SLC25A20: variants seen among roughly 807,000 people sequenced by gnomAD.
SLC25A20 encodes mitochondrial carnitine/acylcarnitine carrier protein.
A neutral mutation model predicts 39.7 loss-of-function variants in SLC25A20; 29 were observed. The ratio of observed to expected loss-of-function variants is 0.73; its 90% CI spans 0.54 to 1.00. SLC25A20 has a LOEUF of 1.00. Among genes scored for constraint, SLC25A20 ranks in the 50% least tolerant of loss-of-function variants. The pLI, the probability that SLC25A20 is intolerant of heterozygous loss-of-function variation, is 0.00. For synonymous variants in SLC25A20, 103 were observed against 142.2 expected, an observed-to-expected ratio of 0.72 and a Z score of 1.96; for missense variants, 333 against 379.9, an observed-to-expected ratio of 0.88 and a Z score of 1.03.
At chr3:48,869,098 T>TA (rs2083693024) in intron 4 of SLC25A20, among the ~76,000 whole-genome samples, 1 of 152,082 alleles carries the variant, frequency 6.6e-6, no homozygotes, top group Non-Finnish European at 1.5e-5. Context: ...TACCTCCACC[T>TA]AGCTGTAATG....
chr3:48,879,168 C>T (rs988112975), intron 4 of SLC25A20, among the ~76,000 whole-genome samples, 190 bp downstream of exon 4: 2 of 151,896 alleles, frequency 1.3e-5, no homozygotes, highest in African/African-American at 4.8e-5. Flanking sequence ...CTGCACCTGG[C>T]CCCCAGGCTG....
At position 48,884,116 on chromosome 3, in the gene SLC25A20, C is replaced by A; in HGVS notation, c.207G>T (p.Thr69=). 1.2e-6 allele frequency: 2 copies of A among 1,613,392 alleles called. No individual in the cohort carries two copies. The highest frequency in any genetic ancestry group is 8.5e-7 in the Non-Finnish European group (1 of 1,179,528). The change falls in exon 3 of 9, where the codon ACG becomes ACT. Residue 69 remains threonine, a synonymous_variant. Coordinates refer to ENST00000319017, the MANE Select transcript of SLC25A20 (RefSeq NM_000387.6). ...FRKTLFREGI[T]GLYRGMAAPI... is the part of the protein sequence containing the mutation. ...GGGCAGCCATTCCCCGATATAGCCCCGTGATGCCCTGCAAGGAATCACAGA... is the reference window on the plus strand; with the variant it reads ...GGGCAGCCATTCCCCGATATAGCCCAGTGATGCCCTGCAAGGAATCACAGA...
At chr3:48,859,257 G>A in intron 6 of SLC25A20, 56 bp from the exon 7 acceptor site, 1 of 1,498,246 alleles carries the variant, frequency 6.7e-7, no homozygotes, top group East Asian at 2.3e-5. Flanking sequence ...GTGGCATTCA[G>A]ACTATCCTGC....
chr3:48,865,762 CTG>C (rs1173258304), intron 4 of SLC25A20, among the ~76,000 whole-genome samples: 3 of 147,232 alleles, frequency 2.0e-5, no homozygotes, highest in Middle Eastern at 3.8e-3. Flanking sequence ...AAGCGAGACT[CTG>C]TCTCAAACAA....
intron 4 of SLC25A20, among the ~76,000 whole-genome samples, chr3:48,872,532 G>T (rs1242478836): frequency 2.0e-5 from 3 of 151,128 alleles, no homozygotes; most frequent in Non-Finnish European, 4.4e-5. Context: ...AAAAAAAAAA[G>T]AACTCTGTCC....
chr3:48,890,452 G>T (rs1195104294), intron 2 of SLC25A20, among the ~76,000 whole-genome samples: 1 of 151,646 alleles, frequency 6.6e-6, no homozygotes, highest in Admixed American at 6.6e-5. Context: ...GCCTCCCAAA[G>T]TGCTGGGATT....
At chr3:48,892,093 G>A (rs1449535757) in intron 1 of SLC25A20, 21 bp from the exon 2 acceptor site, 3 of 1,596,588 alleles carry the variant, frequency 1.9e-6, no homozygotes, top group Non-Finnish European at 2.6e-6. Context: ...AAGTTAAAAT[G>A]CAGTCACCTA....
intron 5 of SLC25A20, among the ~76,000 whole-genome samples, chr3:48,859,869 A>C (rs1200011304): frequency 6.6e-6 from 1 of 152,220 alleles, no homozygotes; most frequent in African/African-American, 2.4e-5. Flanking sequence ...CTAAAAAAGC[A>C]TTAAAAAGAA....
chr3:48,880,574 CTTTTTTTTTTT>C (rs35306259), intron 3 of SLC25A20, among the ~76,000 whole-genome samples: 2 of 73,094 alleles, frequency 2.7e-5, no homozygotes, highest in Non-Finnish European at 4.9e-5. Context: ...CTGTGCCCGG[CTTTTTTTTTTT>C]TTTTTTTTTT....
intron 1 of SLC25A20, among the ~76,000 whole-genome samples, chr3:48,892,837 A>G (rs2083886837): frequency 6.6e-6 from 1 of 152,174 alleles, no homozygotes; most frequent in Non-Finnish European, 1.5e-5. Flanking sequence ...AGTCAAGGTG[A>G]CACATAAAAT....
At position 48,859,463 on chromosome 3, in the gene SLC25A20, A is replaced by G. The variant is rs1041219770; in HGVS notation, c.608+92T>C. 1.1e-5 allele frequency: 12 copies of G among 1,094,434 alleles called. No homozygotes were observed. The Admixed American group carries it at 1.2e-4, about 11-fold the overall frequency. The allele number at this position is 1,094,434 out of a possible 1,614,324, so 67.8% of individuals were successfully genotyped here. ...GAGGAAAGCAGACATGGAGCCAGGA[A>G]CAACAACTACTTCTGCTTTCAGATT... On this transcript the variant is annotated intron_variant, in intron 6 of 8. Transcript: ENST00000319017.
intron 4 of SLC25A20, among the ~76,000 whole-genome samples, chr3:48,874,201 A>T (rs2083738207): frequency 6.6e-6 from 1 of 152,086 alleles, no homozygotes; most frequent in Admixed American, 6.6e-5. Context: ...CTGAGGCAGG[A>T]GAATCGCTTG....
intron 4 of SLC25A20, among the ~76,000 whole-genome samples, chr3:48,863,255 T>C (rs1239248422): frequency 6.6e-6 from 1 of 152,116 alleles, no homozygotes; most frequent in Non-Finnish European, 1.5e-5. Flanking sequence ...ATTTGGAAGG[T>C]CTAAAAAGGA....
chr3:48,862,981 C>G lies in SLC25A20; in HGVS notation c.418-322G>C, dbSNP rs1431764872. 2.6e-5 allele frequency among the ~76,000 whole-genome samples: 4 copies of G among 152,116 alleles called. No homozygotes were observed. In the East Asian group the frequency reaches 7.7e-4, roughly 29 times the overall value. ...CCGAGGCAGGCAGGTCGCCTGAGGT[C>G]AGGAGTTTGAAACCAGCCTGGTCAA... On this transcript the variant is annotated intron_variant, in intron 4 of 8. Transcript: ENST00000319017.
chr3:48,862,865 G>A (rs1432321902), intron 4 of SLC25A20, among the ~76,000 whole-genome samples: 2 of 152,178 alleles, frequency 1.3e-5, no homozygotes, highest in Admixed American at 6.6e-5. Flanking sequence ...CATTCACATT[G>A]ACTAGAAATA....
chr3:48,891,861 G>A (rs775214681), intron 2 of SLC25A20, 119 bp downstream of exon 2: 20 of 838,792 alleles, frequency 2.4e-5, no homozygotes, highest in East Asian at 7.4e-5. Flanking sequence ...GTGAAGGAGC[G>A]GCAGCTGTGA....
rs1437808681 is a variant in SLC25A20 at position 48,866,391 on chromosome 3, TAAA to T, written c.418-3735_418-3733del. Among the ~76,000 whole-genome samples, 3 of 150,490 alleles carry T rather than the reference TAAA, an allele frequency of 2.0e-5. No homozygotes were observed. The East Asian group carries it at 6.0e-4, about 30-fold the overall frequency. On this transcript the variant is annotated intron_variant, in intron 4 of 8. Transcript: ENST00000319017. ...CAACAAGGCAAAACCCCATCTCTAC[TAAA>T]AGTACAAAAATTAGCAGGGCGTGGT...
chr3:48,894,183 T>TTCTCTCTCTCTCTCTCTC (rs375593797), intron 1 of SLC25A20, among the ~76,000 whole-genome samples: 9 of 110,276 alleles, frequency 8.2e-5, no homozygotes, highest in Admixed American at 4.9e-4. Flanking sequence ...AAGAAGAAGA[T>TTCTCTCTCTCTCTCTCTC]TCTCTCTCTC....
At chr3:48,895,585 T>C (rs898144828) in intron 1 of SLC25A20, among the ~76,000 whole-genome samples, 1 of 152,240 alleles carries the variant, frequency 6.6e-6, no homozygotes, top group Non-Finnish European at 1.5e-5. Flanking sequence ...CAGGTCCTTC[T>C]ATATCATCAT....
Sources: gnomAD v4.1 joint callset for allele counts (sites outside exome capture counted in the v4.1 genomes callset) on GRCh38, gnomAD v4.1.1 for gene constraint, MANE v1.5 for transcripts, NCBI Gene and HGNC (gene_info 2026-07-23, HGNC 2026-07-21) for gene names.